Variants in SNX29 observed in about 807,000 individuals in gnomAD.
SNX29 encodes the protein sorting nexin-29.
In SNX29, 78 loss-of-function variants were observed where a neutral mutation model predicts 102.1. That is an observed-to-expected ratio of 0.76 (90% CI 0.64 to 0.92). SNX29 has a LOEUF of 0.92. SNX29 is among the 40% of genes least tolerant of loss of function. The pLI is 0.00. For missense variants in SNX29, 1,280 were observed against 1,061.7 expected (o/e 1.21, Z -2.86); for synonymous variants, 580 against 414.5 (o/e 1.40, Z -4.85).
chr16:12,044,960 G>T (rs183643217), intron 5 of SNX29, among the ~76,000 whole-genome samples: 496 of 152,288 alleles, frequency 3.3e-3, no homozygotes, highest in Middle Eastern at 0.01. Context: ...TACATACTCA[G>T]TCTCAAAGTT....
intron 18 of SNX29, among the ~76,000 whole-genome samples, chr16:12,421,525 A>G (rs1308532069): frequency 1.3e-5 from 2 of 152,244 alleles, no homozygotes; most frequent in Admixed American, 6.5e-5. Context: ...GTTCAAGGAA[A>G]ACACTGGCCT....
chr16:12,425,435 C>T (rs918625812), intron 18 of SNX29, among the ~76,000 whole-genome samples: 1 of 149,724 alleles, frequency 6.7e-6, no homozygotes, highest in Admixed American at 6.7e-5. Flanking sequence ...GAGCACAGAT[C>T]TTAGAAGGAG....
intron 15 of SNX29, among the ~76,000 whole-genome samples, chr16:12,298,226 T>C (rs1484429887): frequency 1.3e-5 from 2 of 152,160 alleles, no homozygotes; most frequent in Non-Finnish European, 2.9e-5. Context: ...TGTGGAATGA[T>C]CAATTCAATG....
In SNX29 at chr16:12,162,669, A is replaced by C. The variant is rs1008747276; in HGVS notation, c.1595+32911A>C. Among the ~76,000 whole-genome samples, 33 of 152,316 alleles carry C rather than the reference A, an allele frequency of 2.2e-4. 2 individuals are homozygous for C. In the South Asian group the frequency reaches 6.6e-3, roughly 31 times the overall value. ...TTTGTCCTGTGGGCCATAGTTGATG[A>C]CCTTGAGCTAGCCTGAAGGCAGTGG... On this transcript the variant is annotated intron_variant, in intron 13 of 20. Coordinates refer to ENST00000566228, the MANE Select transcript of SNX29 (RefSeq NM_032167.5).
At position 12,398,577 on chromosome 16, in the gene SNX29, A is replaced by G. The variant is rs564093174; in HGVS notation, c.1955+76A>G. 798 of 1,515,688 alleles carry G rather than the reference A, an allele frequency of 5.3e-4. 7 individuals carry two copies. The South Asian group carries it at 8.6e-3, about 16-fold the overall frequency. The allele number at this position is 1,515,688 out of a possible 1,614,324, so 93.9% of individuals were successfully genotyped here. A position where few individuals can be genotyped will look rare whatever the true frequency, so the allele number is the denominator to read the frequency against. ...TTGTTGGCTTCTGTCCCAGAAGACC[A>G]CAGGGGGAAACAGAAATCACTGTTG... is the stretch of plus-strand genomic sequence containing the variant. On this transcript the variant is annotated intron_variant, in intron 17 of 20. Transcript: ENST00000566228.
At chr16:12,550,111 C>T (rs531800999) in intron 20 of SNX29, among the ~76,000 whole-genome samples, 1 of 152,162 alleles carries the variant, frequency 6.6e-6, no homozygotes, top group Non-Finnish European at 1.5e-5. Flanking sequence ...AATACTGAGG[C>T]TGATGTACAC....
In SNX29 at chr16:12,570,275, C is replaced by T; in HGVS notation, c.*1646C>T. On this transcript the variant is annotated 3_prime_UTR_variant, in exon 21 of 21. Transcript: ENST00000566228. Reference sequence around the variant, plus strand: ...TGGAGCATGTATGGAGGTGCGGACCCTGCAGTCAGTTTGCGAGTGTGGAGG... The same window carrying T: ...TGGAGCATGTATGGAGGTGCGGACCTTGCAGTCAGTTTGCGAGTGTGGAGG... The T allele has an allele frequency of 3.8e-6, 4 of 1,064,810 alleles. No individual in the cohort carries two copies. The highest frequency in any genetic ancestry group is 4.6e-6 in the Non-Finnish European group (4 of 878,854). The allele number at this position is 1,064,810 out of a possible 1,614,324, so 66.0% of individuals were successfully genotyped here.
At position 12,061,538 on chromosome 16, in the gene SNX29, G is replaced by T; in HGVS notation, c.1135G>T (p.Gly379Trp). 1 of 1,603,212 alleles carries T rather than the reference G, an allele frequency of 6.2e-7. No homozygotes were observed. The highest frequency in any genetic ancestry group is 2.2e-5 in the East Asian group (1 of 44,580). ...ATTCTTTCACCTTAGGCCACTGGAA[G>T]GGAACACCTGCCTCTCCCAGATGCA... ...HSESPEKPLE[G>W]NTCLSQMHSW... Residue 379 changes from glycine to tryptophan, a missense_variant, in exon 9 of 21, where the codon GGG (glycine) becomes TGG (tryptophan). Physicochemically the swap from Gly to Trp is radical, Grantham distance 184 (BLOSUM62 -2). Coordinates refer to ENST00000566228, the MANE Select transcript of SNX29 (RefSeq NM_032167.5).
chr16:12,149,300 A>T (rs2055198988), intron 13 of SNX29, among the ~76,000 whole-genome samples: 1 of 152,222 alleles, frequency 6.6e-6, no homozygotes. Context: ...CAAGTCACTC[A>T]AACACTTTCT....
intron 15 of SNX29, among the ~76,000 whole-genome samples, chr16:12,296,275 C>T (rs1485279670): frequency 6.6e-6 from 1 of 152,114 alleles, no homozygotes; most frequent in Admixed American, 6.5e-5. Flanking sequence ...AAGTGGTGGT[C>T]AATTTTGATG....
intron 18 of SNX29, among the ~76,000 whole-genome samples, chr16:12,435,686 C>T (rs756605335): frequency 2.6e-5 from 4 of 152,232 alleles, no homozygotes; most frequent in Non-Finnish European, 5.9e-5. Flanking sequence ...AGTCTGGGTC[C>T]TCAGCCTTGT....
At position 12,572,889 on chromosome 16, in the gene SNX29, G is replaced by A; in HGVS notation, c.*4260G>A. ...TAATGATTGTCTTGACTCTGCCTTG[G>A]CATTTCGCTCGGAATCACGGCAGAC... On this transcript the variant is annotated 3_prime_UTR_variant, in exon 21 of 21. Coordinates refer to ENST00000566228, the MANE Select transcript of SNX29 (RefSeq NM_032167.5). 1 of 1,051,430 alleles carries A rather than the reference G, an allele frequency of 9.5e-7. No individual in the cohort carries two copies. Among genetic ancestry groups the A allele is most frequent in the African/African-American group, 1.6e-5 (1 of 60,776 alleles). 65.1% of individuals were successfully genotyped at this position (1,051,430 alleles called of 1,614,324 possible).
At chr16:12,549,360 T>G (rs1471630522) in intron 20 of SNX29, among the ~76,000 whole-genome samples, 3 of 152,154 alleles carry the variant, frequency 2.0e-5, no homozygotes, top group Admixed American at 2.0e-4. Context: ...CCATGGGTGG[T>G]GGTGTGCACC....
chr16:12,413,547 C>T (rs193269517), intron 18 of SNX29, among the ~76,000 whole-genome samples: 1 of 150,732 alleles, frequency 6.6e-6, no homozygotes, highest in East Asian at 2.0e-4. Context: ...GAGGTGTGAA[C>T]ACAGAGGAGT....
chr16:12,046,783 CT>C (rs1236803280), intron 6 of SNX29, among the ~76,000 whole-genome samples: 1 of 152,120 alleles, frequency 6.6e-6, no homozygotes, highest in African/African-American at 2.4e-5. Flanking sequence ...CCATGACCAG[CT>C]AATTTTTGTA....
intron 13 of SNX29, among the ~76,000 whole-genome samples, chr16:12,143,296 C>G (rs1048102343): frequency 6.6e-6 from 1 of 152,244 alleles, no homozygotes; most frequent in Admixed American, 6.5e-5. Flanking sequence ...TGCGCCTGGC[C>G]GGCCACAAGC....
Position 12,555,198 on chromosome 16 carries a change from C to G in SNX29, c.2319-13308C>G, listed in dbSNP as rs554561403. Among the ~76,000 whole-genome samples the G allele has an allele frequency of 1.3e-4, 19 of 151,960 alleles. No homozygotes were observed. In the South Asian group the frequency reaches 2.9e-3, roughly 23 times the overall value. Reference sequence around the variant, plus strand: ...GGGTTACTCAGGTGTGGCATGCAGACTGGACTATGGGCAGCTGCTGGGTAC... The same window carrying G: ...GGGTTACTCAGGTGTGGCATGCAGAGTGGACTATGGGCAGCTGCTGGGTAC... On this transcript the variant is annotated intron_variant, in intron 20 of 20. Coordinates refer to ENST00000566228, the MANE Select transcript of SNX29 (RefSeq NM_032167.5).
chr16:12,156,842 G>GC (rs2055572750), intron 13 of SNX29, among the ~76,000 whole-genome samples: 1 of 152,160 alleles, frequency 6.6e-6, no homozygotes, highest in Non-Finnish European at 1.5e-5. Context: ...GTTTCCTCGT[G>GC]CCCCCCTCCC....
At chr16:12,500,285 A>G (rs1303521180) in intron 19 of SNX29, among the ~76,000 whole-genome samples, 2 of 152,228 alleles carry the variant, frequency 1.3e-5, no homozygotes, top group African/African-American at 2.4e-5. Flanking sequence ...GGCATGAGCC[A>G]CTTCTCCTGG....
Sources: gnomAD v4.1 joint callset for allele counts (sites outside exome capture counted in the v4.1 genomes callset) on GRCh38, gnomAD v4.1.1 for gene constraint, MANE v1.5 for transcripts, NCBI Gene and HGNC (gene_info 2026-07-23, HGNC 2026-07-21) for gene names.